CEP112: variants seen among roughly 807,000 people sequenced by gnomAD.
CEP112 encodes centrosomal protein 112.
In CEP112, 127 loss-of-function variants were observed where a neutral mutation model predicts 153.0. The observed-to-expected ratio is 0.83, with a 90% CI of 0.72 to 0.96. The LOEUF (loss-of-function observed/expected upper bound fraction) is 0.96, where lower values mean the gene tolerates loss of function less well. Ranked by LOEUF, CEP112 falls within the 40% of genes least tolerant of loss-of-function variation. The pLI, the probability that CEP112 is intolerant of heterozygous loss-of-function variation, is 0.00. For synonymous variants in CEP112, 358 were observed against 374.4 expected (o/e 0.96, Z 0.51); for missense variants, 1,089 against 1,101.2 (o/e 0.99, Z 0.16).
chr17:65,693,561 G>C (rs1265644397), intron 23 of CEP112, among the ~76,000 whole-genome samples: 1 of 152,054 alleles, frequency 6.6e-6, no homozygotes, highest in South Asian at 2.1e-4. Flanking sequence ...ACCGTTGACA[G>C]GGAATTGGAA....
chr17:65,771,297 G>T (rs8074158), intron 21 of CEP112, among the ~76,000 whole-genome samples: 51 of 151,840 alleles, frequency 3.4e-4, no homozygotes, highest in African/African-American at 1.2e-3. Context: ...GATACAGAGG[G>T]GCATTTCACA....
At chr17:66,097,457 T>C (rs2068395897) in intron 6 of CEP112, among the ~76,000 whole-genome samples, 1 of 152,076 alleles carries the variant, frequency 6.6e-6, no homozygotes, top group Non-Finnish European at 1.5e-5. Context: ...CACCACTCTA[T>C]CCCTAGCACC....
chr17:65,785,260 T>C (rs917601874), intron 21 of CEP112, among the ~76,000 whole-genome samples: 3 of 152,240 alleles, frequency 2.0e-5, no homozygotes, highest in Non-Finnish European at 4.4e-5. Context: ...TTGACTACTA[T>C]GAATAATGCT....
At chr17:66,080,808 T>C (rs2067685409) in intron 8 of CEP112, among the ~76,000 whole-genome samples, 1 of 152,178 alleles carries the variant, frequency 6.6e-6, no homozygotes, top group Admixed American at 6.5e-5. Context: ...GTGGCACATA[T>C]ACACCATGGA....
intron 19 of CEP112, among the ~76,000 whole-genome samples, chr17:65,902,655 T>C (rs989973270): frequency 6.6e-6 from 1 of 152,060 alleles, no homozygotes; most frequent in East Asian, 1.9e-4. Flanking sequence ...TGGTTATAAA[T>C]GGTTAATAGT....
At chr17:66,094,979 C>T (rs2068280975) in intron 8 of CEP112, among the ~76,000 whole-genome samples, 1 of 151,808 alleles carries the variant, frequency 6.6e-6, no homozygotes, top group African/African-American at 2.4e-5. Context: ...GAACGGCTAT[C>T]AACAAAAAGA....
At chr17:66,001,607 G>A (rs1228815070) in intron 17 of CEP112, among the ~76,000 whole-genome samples, 1 of 152,144 alleles carries the variant, frequency 6.6e-6, no homozygotes, top group African/African-American at 2.4e-5. Flanking sequence ...CAAACAGATG[G>A]TTTTGGAAGT....
intron 23 of CEP112, among the ~76,000 whole-genome samples, chr17:65,723,280 G>A (rs186042842): frequency 5.3e-5 from 8 of 152,260 alleles, no homozygotes; most frequent in East Asian, 1.9e-4. Context: ...ATTTGCTGAC[G>A]CTATTTTTAA....
intron 4 of CEP112, among the ~76,000 whole-genome samples, chr17:66,164,458 T>C (rs1431287336): frequency 1.3e-5 from 2 of 148,506 alleles, no homozygotes; most frequent in Non-Finnish European, 3.0e-5. Context: ...CTCGGGAGGC[T>C]GGGGCAGGAG....
intron 23 of CEP112, among the ~76,000 whole-genome samples, chr17:65,692,783 T>A (rs2144452944): frequency 6.6e-6 from 1 of 152,268 alleles, no homozygotes; most frequent in East Asian, 1.9e-4. Flanking sequence ...CTCAGGGCTC[T>A]CCTCTCTTCA....
intron 23 of CEP112, among the ~76,000 whole-genome samples, chr17:65,703,388 A>C (rs148301012): frequency 1.7e-4 from 26 of 152,014 alleles, no homozygotes; most frequent in African/African-American, 6.3e-4. Context: ...GCAGGTGCCT[A>C]TAATCCCAGC....
intron 21 of CEP112, among the ~76,000 whole-genome samples, chr17:65,831,670 G>T (rs1165933717): frequency 6.6e-6 from 1 of 151,694 alleles, no homozygotes; most frequent in East Asian, 1.9e-4. Context: ...CAAGGAAATT[G>T]AAATAAATAA....
intron 12 of CEP112, among the ~76,000 whole-genome samples, chr17:66,051,147 T>TG (rs1491384081): frequency 2.9e-3 from 1 of 348 alleles, no homozygotes; most frequent in Non-Finnish European, 0.012. Flanking sequence ...GCCTAGCTAA[T>TG]TTTTTTTTTT....
chr17:65,886,096 G>T (rs760612583), intron 20 of CEP112, among the ~76,000 whole-genome samples: 1 of 152,074 alleles, frequency 6.6e-6, no homozygotes, highest in Non-Finnish European at 1.5e-5. Flanking sequence ...TCCCTTTAAA[G>T]TCCCGCCTTT....
At chr17:66,038,500 A>G (rs1159567252) in intron 12 of CEP112, among the ~76,000 whole-genome samples, 1 of 152,244 alleles carries the variant, frequency 6.6e-6, no homozygotes, top group Non-Finnish European at 1.5e-5. Flanking sequence ...TTGCCAAATT[A>G]ATTTTTTAAA....
chr17:66,050,108 G>A (rs532928039), intron 12 of CEP112, among the ~76,000 whole-genome samples: 2 of 152,248 alleles, frequency 1.3e-5, no homozygotes, highest in South Asian at 4.1e-4. Context: ...AAGAGATGAT[G>A]TTCAAAACTG....
At chr17:65,753,630 G>C (rs1598474072) in intron 21 of CEP112, among the ~76,000 whole-genome samples, 2 of 152,192 alleles carry the variant, frequency 1.3e-5, no homozygotes, top group East Asian at 3.9e-4. Context: ...TGAACCTCTT[G>C]AGGTTTATTT....
rs201276594 is a variant in CEP112, at chr17:65,851,868, G to A, written c.2330C>T (p.Ser777Leu). 1.6e-5 allele frequency: 26 copies of A among 1,613,932 alleles called. No individual in the cohort carries two copies. Among genetic ancestry groups the A allele is most frequent in the African/African-American group, 2.7e-5 (2 of 74,890 alleles). The change falls in exon 21 of 27, where the codon TCA becomes TTA. Residue 777 changes from serine (S) to leucine (L), a missense_variant. By Grantham distance (145) the Ser-to-Leu change is moderately radical (BLOSUM62 -2). Transcript: ENST00000535342. ...EIVVNKLKAE[S>L]EKMKIELKKT... ...TTTCAGCTCTATTTTCATCTTTTCT[G>A]ATTCAGCCTTCAGTTTATTGACGAC...
At chr17:65,679,553 A>C (rs1036715867) in intron 24 of CEP112, among the ~76,000 whole-genome samples, 1 of 152,198 alleles carries the variant, frequency 6.6e-6, no homozygotes, top group Non-Finnish European at 1.5e-5. Context: ...TGAAGTTTTA[A>C]AATCCTTTAT....
Sources: allele counts gnomAD v4.1 joint callset (sites outside exome capture counted in the v4.1 genomes callset), GRCh38; gene constraint gnomAD v4.1.1; transcripts MANE v1.5; gene names NCBI Gene and HGNC (gene_info 2026-07-23, HGNC 2026-07-21).